Variants in CREBBP observed in about 807,000 individuals in gnomAD.
CREBBP encodes CREB binding lysine acetyltransferase.
CREBBP carries 19 observed loss-of-function variants against 265.0 expected under a neutral mutation model. The ratio of observed to expected loss-of-function variants is 0.07; its 90% CI spans 0.05 to 0.11. The LOEUF (loss-of-function observed/expected upper bound fraction) is 0.11, where lower values mean the gene tolerates loss of function less well. Among genes scored for constraint, CREBBP ranks in the 10% least tolerant of loss-of-function variants. CREBBP has a pLI of 1.00. For synonymous variants in CREBBP, 1,457 were observed against 1,223.7 expected (o/e 1.19, Z -3.98); for missense variants, 2,525 against 3,219.0 (o/e 0.78, Z 5.22).
chr16:3,769,373 A>T lies in CREBBP; in HGVS notation c.2881-20T>A, dbSNP rs1247549663. 1 of 1,614,040 alleles carries T rather than the reference A, an allele frequency of 6.2e-7. No homozygotes were observed. Among genetic ancestry groups the T allele is most frequent in the Non-Finnish European group, 8.5e-7 (1 of 1,180,018 alleles). The stretch of plus-strand genomic sequence containing the variant: ...GGAAAGCTGTGAAAAAACCGAAAGC[A>T]CTGACTTCAGTAAGCAAGGTAACAT... On this transcript the variant is annotated intron_variant, in intron 14 of 30. Coordinates refer to ENST00000262367, the MANE Select transcript of CREBBP (RefSeq NM_004380.3).
chr16:3,838,036 G>A (rs1009672875), intron 2 of CREBBP, among the ~76,000 whole-genome samples: 6 of 152,208 alleles, frequency 3.9e-5, no homozygotes, highest in African/African-American at 1.2e-4. Flanking sequence ...CAGGATCTAT[G>A]CTGCCCAGGC....
At chr16:3,761,736 C>T (rs2052723497) in intron 16 of CREBBP, among the ~76,000 whole-genome samples, 1 of 152,246 alleles carries the variant, frequency 6.6e-6, no homozygotes, top group Admixed American at 6.5e-5. Context: ...GTCCAGGGTG[C>T]AGACGTGCCC....
At chr16:3,740,855 G>T (rs752631808) in intron 23 of CREBBP, 150 of 418,420 alleles carry the variant, frequency 3.6e-4, no homozygotes, top group Non-Finnish European at 6.0e-4. Flanking sequence ...GGGCTCTAGG[G>T]CGGAGCAGAT....
Position 3,736,716 on chromosome 16 carries a change from T to C in CREBBP, c.4494A>G (p.Arg1498=), listed in dbSNP as rs149560660. Residue 1498 remains arginine (R), a synonymous_variant, in exon 27 of 31, where the codon CGA becomes CGG. Transcript: ENST00000262367. ...PPDQKIPKPK[R]LQEWYKKMLD... is the part of the protein sequence containing the mutation. ...GCATCTTTTTGTACCACTCCTGCAGTCGTTTTGGCTTGGGTATTTTTTGAT... is the reference window on the plus strand; with the variant it reads ...GCATCTTTTTGTACCACTCCTGCAGCCGTTTTGGCTTGGGTATTTTTTGAT... 989 of 1,614,140 alleles carry C rather than the reference T, an allele frequency of 6.1e-4. No individual in the cohort carries two copies. The highest frequency in any genetic ancestry group is 6.9e-4 in the Non-Finnish European group (814 of 1,180,046).
intron 1 of CREBBP, among the ~76,000 whole-genome samples, chr16:3,855,895 C>T (rs1287177802): frequency 1.3e-5 from 2 of 152,320 alleles, no homozygotes; most frequent in Non-Finnish European, 2.9e-5. Flanking sequence ...TTGTTGCCCT[C>T]CAGGCTTTGT....
Position 3,793,573 on chromosome 16 carries a change from G to C in CREBBP, c.1029C>G (p.Gly343=). The C allele has an allele frequency of 5.6e-6, 9 of 1,613,928 alleles. No homozygotes were observed. Among genetic ancestry groups the C allele is most frequent in the Non-Finnish European group, 7.6e-6 (9 of 1,180,014 alleles). ...TGCGTTTTTCAGGATCTGCAGTGGG[G>C]CCTGTTGCAATTGCTTGTGTGGGTA... ...GIVPTQAIAT[G]PTADPEKRKL... The change falls in exon 4 of 31, where the codon GGC becomes GGG. Residue 343 remains glycine (G), a synonymous_variant. Transcript: ENST00000262367.
At chr16:3,832,716 G>C (rs1449038537) in intron 2 of CREBBP, among the ~76,000 whole-genome samples, 1 of 152,194 alleles carries the variant, frequency 6.6e-6, no homozygotes, top group Non-Finnish European at 1.5e-5. Flanking sequence ...TATGTAGTCT[G>C]CTGCTGACCA....
chr16:3,864,100 C>G (rs1057489978), intron 1 of CREBBP, among the ~76,000 whole-genome samples: 1 of 152,172 alleles, frequency 6.6e-6, no homozygotes, highest in Non-Finnish European at 1.5e-5. Context: ...CAGCCCCAGA[C>G]CCCAGATTCC....
intron 2 of CREBBP, among the ~76,000 whole-genome samples, chr16:3,817,098 C>T (rs1206129009): frequency 2.6e-5 from 4 of 152,224 alleles, no homozygotes; most frequent in African/African-American, 9.6e-5. Context: ...AGAACGAGAA[C>T]AGGCCTTCGG....
At chr16:3,750,940 C>A (rs575398834) in intron 20 of CREBBP, among the ~76,000 whole-genome samples, 1 of 152,248 alleles carries the variant, frequency 6.6e-6, no homozygotes, top group South Asian at 2.1e-4. Context: ...TCAGGTATAA[C>A]TGAAAATTTA....
intron 3 of CREBBP, among the ~76,000 whole-genome samples, chr16:3,805,370 T>G (rs902892439): frequency 6.6e-6 from 1 of 152,238 alleles, no homozygotes; most frequent in African/African-American, 2.4e-5. Flanking sequence ...ACTATTCACC[T>G]GCCGTCTCCA....
At chr16:3,869,203 C>A (rs113846249) in intron 1 of CREBBP, among the ~76,000 whole-genome samples, 334 of 152,310 alleles carry the variant, frequency 2.2e-3, no homozygotes, top group African/African-American at 7.7e-3. Context: ...TCTGGTGCCT[C>A]AGTCAATGCA....
At chr16:3,790,931 G>T (rs1001954252) in intron 5 of CREBBP, among the ~76,000 whole-genome samples, 2 of 152,168 alleles carry the variant, frequency 1.3e-5, no homozygotes, top group Admixed American at 1.3e-4. Context: ...GAAACAACCA[G>T]AAAGAAAAGC....
chr16:3,856,435 T>C (rs886564766), intron 1 of CREBBP, among the ~76,000 whole-genome samples: 3 of 152,228 alleles, frequency 2.0e-5, no homozygotes, highest in African/African-American at 4.8e-5. Context: ...ATTTTTGTAC[T>C]GTTTTGGAGA....
intron 2 of CREBBP, among the ~76,000 whole-genome samples, chr16:3,842,794 G>A (rs910898302): frequency 2.0e-5 from 3 of 151,790 alleles, no homozygotes; most frequent in East Asian, 1.9e-4. Flanking sequence ...GTGAAACCCC[G>A]TCTCTACTAA....
intron 1 of CREBBP, among the ~76,000 whole-genome samples, chr16:3,862,067 T>G (rs998011667): frequency 1.3e-5 from 2 of 152,086 alleles, no homozygotes; most frequent in African/African-American, 4.8e-5. Flanking sequence ...TGAGATAGAA[T>G]AGAAGTCGGC....
At chr16:3,745,032 T>A (rs2052308142) in intron 22 of CREBBP, 71 bp from the exon 23 acceptor site, 2 of 1,158,314 alleles carry the variant, frequency 1.7e-6, no homozygotes, top group African/African-American at 3.0e-5. Context: ...AAATGCAGCA[T>A]TCAGATAGTT....
intron 2 of CREBBP, among the ~76,000 whole-genome samples, chr16:3,844,203 C>T (rs1464577752): frequency 1.5e-5 from 2 of 134,664 alleles, no homozygotes; most frequent in African/African-American, 5.5e-5. Context: ...ACCAAGTTAA[C>T]GTAACACTGA....
At chr16:3,773,177 T>C (rs1344268833) in intron 13 of CREBBP, among the ~76,000 whole-genome samples, 1 of 152,076 alleles carries the variant, frequency 6.6e-6, no homozygotes, top group East Asian at 1.9e-4. Flanking sequence ...ATATTTTGTA[T>C]ACAGTAGCAA....
Sources: allele counts gnomAD v4.1 joint callset (sites outside exome capture counted in the v4.1 genomes callset), GRCh38; gene constraint gnomAD v4.1.1; transcripts MANE v1.5; gene names NCBI Gene and HGNC (gene_info 2026-07-23, HGNC 2026-07-21).